The following QSOX2 variants were observed in gnomAD, a reference collection of about 807,000 sequenced individuals.
QSOX2 encodes the protein sulfhydryl oxidase 2.
QSOX2 carries 46 observed loss-of-function variants against 61.7 expected under a neutral mutation model. That is an observed-to-expected ratio of 0.75 (90% confidence interval 0.59 to 0.95). QSOX2 has a LOEUF of 0.95. Ranked by LOEUF, QSOX2 falls within the 40% of genes least tolerant of loss-of-function variation. QSOX2 has a pLI of 0.00. For synonymous variants in QSOX2, 383 were observed against 388.4 expected (o/e 0.99, Z 0.16); for missense variants, 879 against 918.9 (o/e 0.96, Z 0.56).
At chr9:136,210,126 A>G (rs1831827695) in intron 11 of QSOX2, 1 of 985,348 alleles carries the variant, frequency 1.0e-6, no homozygotes, top group South Asian at 4.7e-5. Flanking sequence ...GGTGCTGCAC[A>G]CGAAGCCAGA....
In QSOX2 at chr9:136,209,952, C is replaced by T. The variant is rs1038597849; in HGVS notation, c.1550-677G>A. ...CACGGCGCCTCCTAGCTCTCGGAGC[C>T]CCTGCGACCCGACTTGCTGACACCT... is the stretch of plus-strand genomic sequence containing the variant. On this transcript the variant is annotated intron_variant, in intron 11 of 11. Transcript: ENST00000358701. This position sits in a 1 kb window ranked among gnomAD's most constrained non-coding sequence, Gnocchi z 5.6. The T allele has an allele frequency of 6.8e-5, 67 of 985,458 alleles. No individual in the cohort carries two copies. The African/African-American group carries it at 1.1e-3, about 16-fold the overall frequency. 61.0% of individuals were successfully genotyped at this position (985,458 alleles called of 1,614,324 possible).
At position 136,221,612 on chromosome 9, in the gene QSOX2, C is replaced by T. The variant is rs566940522; in HGVS notation, c.821+184G>A. 8.5e-5 allele frequency among the ~76,000 whole-genome samples: 13 copies of T among 152,336 alleles called. No homozygotes were observed. Among genetic ancestry groups the T allele is most frequent in the African/African-American group, 3.1e-4 (13 of 41,574 alleles). ...ACAGCAGTGAGAAAACAGAAATCCA[C>T]GAAAACACAGCACAGATCAGCAATA... On this transcript the variant is annotated intron_variant, in intron 6 of 11. Transcript: ENST00000358701. This position sits in a 1 kb window ranked among gnomAD's most constrained non-coding sequence, Gnocchi z 4.5.
intron 8 of QSOX2, among the ~76,000 whole-genome samples, chr9:136,217,349 G>A (rs1382436508): frequency 2.6e-5 from 4 of 152,196 alleles, no homozygotes; most frequent in African/African-American, 9.7e-5. Flanking sequence ...TGCCGAAAGA[G>A]CTCCGAAAAC....
In QSOX2 at chr9:136,222,492, T is replaced by A. The variant is rs1343250003; in HGVS notation, c.676-551A>T. On this transcript the variant is annotated intron_variant, in intron 5 of 11. Coordinates refer to ENST00000358701, the MANE Select transcript of QSOX2 (RefSeq NM_181701.4). The surrounding 1 kb of genome is among the most constrained non-coding windows in gnomAD (Gnocchi z 6.9). ...GCGCCACCACCACATCGGGCGTACG[T>A]CTTTCCTTCTCTTAACAGAGGAACA... is the stretch of plus-strand genomic sequence containing the variant. 1.3e-5 allele frequency among the ~76,000 whole-genome samples: 2 copies of A among 152,184 alleles called. No homozygotes were observed. The highest frequency in any genetic ancestry group is 2.4e-5 in the African/African-American group (1 of 41,434).
intron 1 of QSOX2, among the ~76,000 whole-genome samples, chr9:136,234,476 C>T (rs1321395556): frequency 2.0e-5 from 3 of 152,208 alleles, no homozygotes; most frequent in African/African-American, 4.8e-5. Context: ...TGTCCCACAC[C>T]TTTTCCAGCT....
intron 6 of QSOX2, among the ~76,000 whole-genome samples, chr9:136,219,511 G>A (rs1359515951): frequency 6.6e-6 from 1 of 152,222 alleles, no homozygotes; most frequent in Admixed American, 6.5e-5. Flanking sequence ...ACGCCTAAGA[G>A]CCTTCACCGA....
chr9:136,220,462 GC>G (rs1465340363), intron 6 of QSOX2, among the ~76,000 whole-genome samples: 1 of 152,248 alleles, frequency 6.6e-6, no homozygotes, highest in African/African-American at 2.4e-5. Context: ...TCTTCTCACT[GC>G]TGTGTCCCTG....
At chr9:136,214,378 G>A (rs767725998) in intron 10 of QSOX2, among the ~76,000 whole-genome samples, 10 of 152,218 alleles carry the variant, frequency 6.6e-5, no homozygotes, top group Non-Finnish European at 1.0e-4. Context: ...AGTGGCCTGG[G>A]CCTGGGGACT....
chr9:136,218,989 C>T (rs543636245), intron 7 of QSOX2, 41 bp downstream of exon 7: 57 of 1,610,022 alleles, frequency 3.5e-5, no homozygotes, highest in Admixed American at 3.0e-4. Context: ...TCGGTCTACA[C>T]GCACTGTCTC....
At chr9:136,236,515 CT>C (rs1830383437) in intron 1 of QSOX2, among the ~76,000 whole-genome samples, 1 of 152,252 alleles carries the variant, frequency 6.6e-6, no homozygotes, top group Admixed American at 6.5e-5. Context: ...AGAGCCAGCG[CT>C]GCAGCATCAC....
intron 1 of QSOX2, among the ~76,000 whole-genome samples, chr9:136,233,916 A>G (rs1830354373): frequency 6.6e-6 from 1 of 152,258 alleles, no homozygotes. Context: ...GAAACCGTTT[A>G]GAGAAATAAA....
At position 136,245,612 on chromosome 9, in the gene QSOX2, C is replaced by G; in HGVS notation, c.192G>C (p.Trp64Cys). The G allele has an allele frequency of 1.9e-6, 3 of 1,549,888 alleles. No individual in the cohort carries two copies. Among genetic ancestry groups the G allele is most frequent in the South Asian group, 2.3e-5 (2 of 86,412 alleles). The change falls in exon 1 of 12, where the codon TGG becomes TGC. Residue 64 changes from tryptophan (W) to cysteine (C), a missense_variant. Physicochemically the swap from Trp to Cys is radical, Grantham distance 215. Transcript: ENST00000358701. ...CGCGCACGCTGCCGCTGTCCAGCACCCACACGGCGTCCTCGCCCGCGCGGT... is the reference window on the plus strand; with the variant it reads ...CGCGCACGCTGCCGCTGTCCAGCACGCACACGGCGTCCTCGCCCGCGCGGT... ...RLYRAGEDAV[W>C]VLDSGSVRGA...
Position 136,233,223 on chromosome 9 carries a change from G to A in QSOX2, c.329-6349C>T, listed in dbSNP as rs946644183. Among the ~76,000 whole-genome samples the A allele has an allele frequency of 3.9e-5, 6 of 152,278 alleles. 2 individuals carry two copies. The highest frequency in any genetic ancestry group is 3.9e-4 in the Admixed American group (6 of 15,280). On this transcript the variant is annotated intron_variant, in intron 1 of 11. Coordinates refer to ENST00000358701, the MANE Select transcript of QSOX2 (RefSeq NM_181701.4). ...TCTTCTGGTTGCACGAGAAGGCCTG[G>A]GCAATGAGAAACACTTTTCCAGATG... is the stretch of plus-strand genomic sequence containing the variant.
rs1831824864 is a variant in QSOX2 at position 136,209,904 on chromosome 9, T to C, written c.1550-629A>G. On this transcript the variant is annotated intron_variant, in intron 11 of 11. Transcript: ENST00000358701. The surrounding 1 kb of genome is among the most constrained non-coding windows in gnomAD (Gnocchi z 5.6). ...TGCTCACTTCCAGGCCCAACAGGCA[T>C]CCGTCATGCAGAAGCTGCGGCGCAC... 11 of 985,350 alleles carry C rather than the reference T, an allele frequency of 1.1e-5. No individual in the cohort carries two copies. The highest frequency in any genetic ancestry group is 1.3e-5 in the Non-Finnish European group (11 of 829,910). 61.0% of individuals were successfully genotyped at this position (985,350 alleles called of 1,614,324 possible). A position where few individuals can be genotyped will look rare whatever the true frequency, so the allele number is the denominator to read the frequency against.
Position 136,207,364 on chromosome 9 carries a change from TACACAC to T in QSOX2, c.*1358_*1363del, listed in dbSNP as rs58474709. 8,553 of 144,812 alleles carry T rather than the reference TACACAC, an allele frequency of 0.059. 283 individuals carry two copies. Among genetic ancestry groups the T allele is most frequent in the African/African-American group, 0.088 (3,402 of 38,518 alleles). 9.0% of individuals were successfully genotyped at this position (144,812 alleles called of 1,614,324 possible). ...ACCGTCAAAGTCTCTCTCTCTCTCA[TACACAC>T]ACACACACACACACACACACACACA... On this transcript the variant is annotated 3_prime_UTR_variant, in exon 12 of 12. Transcript: ENST00000358701.
chr9:136,219,007 T>A (rs559591326), intron 7 of QSOX2, 23 bp downstream of exon 7: 1 of 1,613,342 alleles, frequency 6.2e-7, no homozygotes, highest in African/African-American at 1.3e-5. Context: ...CTCCGGGGGC[T>A]TCAGTTCAAG....
At chr9:136,240,364 G>A (rs1830424706) in intron 1 of QSOX2, among the ~76,000 whole-genome samples, 1 of 152,186 alleles carries the variant, frequency 6.6e-6, no homozygotes, top group Non-Finnish European at 1.5e-5. Context: ...GTCTACAGAA[G>A]TCTAATGTAT....
In QSOX2 at chr9:136,222,348, T is replaced by C. The variant is rs1588635905; in HGVS notation, c.676-407A>G. 6.6e-6 allele frequency among the ~76,000 whole-genome samples: 1 copy of C among 151,992 alleles called. No individual in the cohort carries two copies. The highest frequency in any genetic ancestry group is 1.5e-5 in the Non-Finnish European group (1 of 68,004). On this transcript the variant is annotated intron_variant, in intron 5 of 11. Transcript: ENST00000358701. The surrounding 1 kb of genome is among the most constrained non-coding windows in gnomAD (Gnocchi z 6.9). The stretch of plus-strand genomic sequence containing the variant: ...GGGGCAGCAGGCCTCGTGCTGCCGC[T>C]CCTCCCCAGCCACCCTGCTCCTGTC...
chr9:136,221,112 G>A lies in QSOX2; in HGVS notation c.821+684C>T, dbSNP rs994329791. 6.0e-5 allele frequency among the ~76,000 whole-genome samples: 9 copies of A among 150,918 alleles called. No individual in the cohort carries two copies. Among genetic ancestry groups the A allele is most frequent in the African/African-American group, 2.2e-4 (9 of 40,844 alleles). ...CAGGCACTCCACACAGAGGCAAAGG[G>A]CTTATCCTCATGAGGGGCACACAGG... On this transcript the variant is annotated intron_variant, in intron 6 of 11. Transcript: ENST00000358701. The surrounding 1 kb of genome is among the most constrained non-coding windows in gnomAD (Gnocchi z 4.5).
Sources: allele counts gnomAD v4.1 joint callset (sites outside exome capture counted in the v4.1 genomes callset), GRCh38; gene constraint gnomAD v4.1.1; non-coding constraint Gnocchi (gnomAD v3.1); transcripts MANE v1.5; gene names NCBI Gene and HGNC (gene_info 2026-07-23, HGNC 2026-07-21).